Variants in NUP153 observed in about 807,000 individuals in gnomAD.
The protein encoded by NUP153 is nucleoporin 153.
A neutral mutation model predicts 134.6 loss-of-function variants in NUP153; 27 were observed. The observed-to-expected ratio is 0.20, with a 90% confidence interval of 0.15 to 0.28. The LOEUF (loss-of-function observed/expected upper bound fraction) is 0.28, where lower values mean the gene tolerates loss of function less well. NUP153 is among the 10% of genes least tolerant of loss of function. NUP153 has a pLI of 1.00. For synonymous variants in NUP153, 640 were observed against 623.5 expected (o/e 1.03, Z -0.40); for missense variants, 1,821 against 1,731.3 (o/e 1.05, Z -0.92).
At chr6:17,662,987 T>C (rs190168415) in intron 9 of NUP153, among the ~76,000 whole-genome samples, 2 of 152,206 alleles carry the variant, frequency 1.3e-5, no homozygotes, top group Admixed American at 6.6e-5. Context: ...GACAACTAAA[T>C]GCAAGACATG....
At chr6:17,632,974 C>T (rs1204728136) in intron 16 of NUP153, 130 bp from the exon 17 acceptor site, 2 of 624,734 alleles carry the variant, frequency 3.2e-6, no homozygotes, top group African/African-American at 1.9e-5. Flanking sequence ...TATTAAAACA[C>T]AGAATGTGCC....
At chr6:17,635,276 A>C (rs1259633424) in intron 16 of NUP153, among the ~76,000 whole-genome samples, 2 of 151,776 alleles carry the variant, frequency 1.3e-5, no homozygotes, top group Non-Finnish European at 2.9e-5. Context: ...CACCCGGCTA[A>C]TTTTTTGTAT....
intron 1 of NUP153, among the ~76,000 whole-genome samples, chr6:17,695,128 T>C (rs1055660317): frequency 6.6e-6 from 1 of 152,204 alleles, no homozygotes; most frequent in Non-Finnish European, 1.5e-5. Flanking sequence ...AAACTTAAAA[T>C]AGCTTTAAAT....
chr6:17,651,509 C>T (rs1766492329), intron 11 of NUP153, among the ~76,000 whole-genome samples: 1 of 151,864 alleles, frequency 6.6e-6, no homozygotes, highest in South Asian at 2.1e-4. Context: ...AGAAAATGGA[C>T]AGAAAGGCAA....
chr6:17,635,749 AT>A (rs959659909), intron 16 of NUP153, among the ~76,000 whole-genome samples: 1 of 152,144 alleles, frequency 6.6e-6, no homozygotes, highest in Admixed American at 6.6e-5. Context: ...CGGTCTCCAA[AT>A]TTTTTTGTTT....
chr6:17,672,340 A>G (rs1301986076), intron 5 of NUP153, among the ~76,000 whole-genome samples: 1 of 152,168 alleles, frequency 6.6e-6, no homozygotes, highest in Non-Finnish European at 1.5e-5. Context: ...CACTTTGGGA[A>G]GCCAACACAG....
intron 14 of NUP153, among the ~76,000 whole-genome samples, chr6:17,644,815 G>C (rs1766057989): frequency 6.6e-6 from 1 of 152,118 alleles, no homozygotes; most frequent in Non-Finnish European, 1.5e-5. Context: ...GCAGGGCGCG[G>C]TGGTTCACGC....
rs58013807 is a variant in NUP153 at position 17,620,095 on chromosome 6, CAAAAAAAAAAAA to C, written c.4175-3412_4175-3401del. The stretch of plus-strand genomic sequence containing the variant: ...CCTGGGCAACAGAGCAAGACACCAT[CAAAAAAAAAAAA>C]AAAAAAAAAAAAAAGGAAGGGAGGG... On this transcript the variant is annotated intron_variant, in intron 20 of 21. Transcript: ENST00000262077. Among the ~76,000 whole-genome samples, 386 of 63,020 alleles carry C rather than the reference CAAAAAAAAAAAA, an allele frequency of 6.1e-3. 1 individual carries two copies. The highest frequency in any genetic ancestry group is 0.018 in the African/African-American group (231 of 12,920). The allele number at this position is 63,020 out of a possible 152,430, so 41.3% of individuals were successfully genotyped here.
At chr6:17,654,479 G>A (rs905810523) in intron 11 of NUP153, among the ~76,000 whole-genome samples, 5 of 151,952 alleles carry the variant, frequency 3.3e-5, no homozygotes, top group Admixed American at 2.0e-4. Flanking sequence ...CTGCCACTAC[G>A]CCCAGCTAAT....
chr6:17,689,767 C>A (rs892899990), intron 1 of NUP153, among the ~76,000 whole-genome samples: 1 of 151,816 alleles, frequency 6.6e-6, no homozygotes, highest in Admixed American at 6.6e-5. Context: ...TCAGGTGATC[C>A]GCCCACCTCT....
chr6:17,673,163 T>C (rs1768016292), intron 5 of NUP153, among the ~76,000 whole-genome samples: 1 of 152,086 alleles, frequency 6.6e-6, no homozygotes, highest in Non-Finnish European at 1.5e-5. Flanking sequence ...GGTCAAGAGT[T>C]CGAGACCAGC....
At chr6:17,661,989 A>T (rs1223698304) in intron 10 of NUP153, 29 bp downstream of exon 10, 1 of 1,489,484 alleles carries the variant, frequency 6.7e-7, no homozygotes. Flanking sequence ...AAATATAAAG[A>T]AGTATAGCTG....
intron 1 of NUP153, among the ~76,000 whole-genome samples, chr6:17,704,286 C>T (rs1770324422): frequency 7.1e-6 from 1 of 141,092 alleles, no homozygotes; most frequent in Admixed American, 7.1e-5. Flanking sequence ...AGCGAGACTC[C>T]GTCTCAAAAA....
chr6:17,693,236 G>A (rs1352598410), intron 1 of NUP153, among the ~76,000 whole-genome samples: 1 of 143,416 alleles, frequency 7.0e-6, no homozygotes, highest in African/African-American at 2.6e-5. Context: ...TCACAGATTT[G>A]ATGCTGTGCT....
intron 15 of NUP153, among the ~76,000 whole-genome samples, chr6:17,639,232 G>C (rs4236172): frequency 0.76 from 115,380 of 151,794 alleles, 44,133 homozygotes; most frequent in East Asian, 0.89. Context: ...TGCATGCCAG[G>C]ACGCCCAGCT....
Position 17,628,882 on chromosome 6 carries a change from T to C in NUP153, c.3317A>G (p.Lys1106Arg), listed in dbSNP as rs1765083435. The change falls in exon 18 of 22, where the codon AAA becomes AGA. Residue 1106 changes from lysine (K) to arginine (R), a missense_variant. Physicochemically the swap from Lys to Arg is conservative, Grantham distance 26. Coordinates refer to ENST00000262077, the MANE Select transcript of NUP153 (RefSeq NM_005124.4). This position sits in a 1 kb window ranked among gnomAD's most constrained non-coding sequence, Gnocchi z 5.4. ...AGTAGAAGTGACAGGCTCTTGCTGT[T>C]TCTCTTCTGTCCTTCCCAAAACAAA... The part of the protein sequence containing the change: ...SVFVLGRTEE[K>R]QQEPVTSTSL... The C allele has an allele frequency of 1.2e-6, 2 of 1,614,250 alleles. No homozygotes were observed. Among genetic ancestry groups the C allele is most frequent in the Non-Finnish European group, 1.7e-6 (2 of 1,180,044 alleles).
In NUP153 at chr6:17,661,728, A is replaced by C; in HGVS notation, c.1320T>G (p.Ser440=). ...FSLPAANGLS[S]GVGGGGGKMR... The stretch of plus-strand genomic sequence containing the variant: ...TCTTGCCACCTCCACCACCTACTCC[A>C]GAAGATAAACCATTGGCTGCAGGCA... Residue 440 remains serine, a synonymous_variant, in exon 11 of 22, where the codon TCT becomes TCG. Coordinates refer to ENST00000262077, the MANE Select transcript of NUP153 (RefSeq NM_005124.4). The C allele has an allele frequency of 6.2e-7, 1 of 1,614,018 alleles. No individual in the cohort carries two copies. Among genetic ancestry groups the C allele is most frequent in the Non-Finnish European group, 8.5e-7 (1 of 1,179,932 alleles).
intron 8 of NUP153, among the ~76,000 whole-genome samples, chr6:17,667,502 CAA>C (rs1767605375): frequency 6.6e-6 from 1 of 152,132 alleles, no homozygotes; most frequent in African/African-American, 2.4e-5. Flanking sequence ...ATCACGAGGT[CAA>C]GAGATCAAGG....
At chr6:17,624,058 A>C (rs1419534915) in intron 20 of NUP153, among the ~76,000 whole-genome samples, 1 of 152,206 alleles carries the variant, frequency 6.6e-6, no homozygotes, top group East Asian at 1.9e-4. Context: ...AAAAATCAAC[A>C]ACAATTTTAA....
Sources: allele counts gnomAD v4.1 joint callset (sites outside exome capture counted in the v4.1 genomes callset), GRCh38; gene constraint gnomAD v4.1.1; non-coding constraint Gnocchi (gnomAD v3.1); transcripts MANE v1.5; gene names NCBI Gene and HGNC (gene_info 2026-07-23, HGNC 2026-07-21).